Variants in AMPH observed in about 807,000 individuals in gnomAD.
The protein encoded by AMPH is amphiphysin, also known as amphiphysin (Stiff-Mann syndrome with breast cancer 128kD autoantigen).
A neutral mutation model predicts 99.1 loss-of-function variants in AMPH; 49 were observed. The ratio of observed to expected loss-of-function variants is 0.49; its 90% CI spans 0.39 to 0.63. AMPH has a LOEUF of 0.63. Among genes scored for constraint, AMPH ranks in the 20% least tolerant of loss-of-function variants. AMPH has a pLI of 0.00. For synonymous variants in AMPH, 314 were observed against 317.3 expected (o/e 0.99, Z 0.11); for missense variants, 759 against 863.4 (o/e 0.88, Z 1.52).
intron 2 of AMPH, among the ~76,000 whole-genome samples, chr7:38,504,140 G>A (rs1314020656): frequency 6.6e-6 from 1 of 152,134 alleles, no homozygotes; most frequent in Admixed American, 6.5e-5. Context: ...ATATTTTAGA[G>A]ACTGAGTACC....
chr7:38,559,005 G>A (rs1460350187), intron 1 of AMPH, among the ~76,000 whole-genome samples: 1 of 152,210 alleles, frequency 6.6e-6, no homozygotes, highest in African/African-American at 2.4e-5. Context: ...TTTATATATA[G>A]ATTCTGAATC....
intron 5 of AMPH, among the ~76,000 whole-genome samples, chr7:38,488,987 T>TC (rs567663555): frequency 0.022 from 3,319 of 151,836 alleles, 118 homozygotes; most frequent in African/African-American, 0.076. Flanking sequence ...CAGAAAGTTT[T>TC]TTTTAATTCT....
At chr7:38,390,099 T>C (rs1784447085) in intron 19 of AMPH, among the ~76,000 whole-genome samples, 194 bp from the exon 20 acceptor site, 1 of 152,238 alleles carries the variant, frequency 6.6e-6, no homozygotes, top group African/African-American at 2.4e-5. Flanking sequence ...TTATTAATAG[T>C]AATGCAATGC....
intron 16 of AMPH, among the ~76,000 whole-genome samples, chr7:38,418,932 A>G (rs1057047739): frequency 6.6e-6 from 1 of 152,110 alleles, no homozygotes; most frequent in East Asian, 1.9e-4. Flanking sequence ...CACCACAGCC[A>G]ATGCATGTTA....
At chr7:38,504,685 G>T (rs1396231436) in intron 2 of AMPH, among the ~76,000 whole-genome samples, 1 of 152,138 alleles carries the variant, frequency 6.6e-6, no homozygotes, top group Non-Finnish European at 1.5e-5. Context: ...GCTCCTAGGG[G>T]ACATTAATTC....
rs189968076 is a variant in AMPH at position 38,461,466 on chromosome 7, G to C, written c.889-55C>G. ...CAGCCAAAGACAATGTGTCAGACACGAAGAAAGGTCACATGAACAGAGCTA... is the reference window on the plus strand; with the variant it reads ...CAGCCAAAGACAATGTGTCAGACACCAAGAAAGGTCACATGAACAGAGCTA... On this transcript the variant is annotated intron_variant, in intron 10 of 20. Transcript: ENST00000356264. The C allele has an allele frequency of 2.6e-4, 422 of 1,608,226 alleles. 3 individuals are homozygous for C. Among genetic ancestry groups the C allele is most frequent in the Non-Finnish European group, 9.4e-6 (11 of 1,175,570 alleles).
chr7:38,574,887 C>G (rs923787702), intron 1 of AMPH, among the ~76,000 whole-genome samples: 1 of 151,828 alleles, frequency 6.6e-6, no homozygotes, highest in Admixed American at 6.6e-5. Flanking sequence ...AACCCCGTCT[C>G]TACTAAAAAT....
At chr7:38,431,989 C>A in intron 13 of AMPH, 200 bp downstream of exon 13, 1 of 677,822 alleles carries the variant, frequency 1.5e-6, no homozygotes. Flanking sequence ...GGAGTCTGGT[C>A]CACTGTACTC....
chr7:38,552,232 G>C (rs1791204626), intron 1 of AMPH, among the ~76,000 whole-genome samples: 1 of 152,028 alleles, frequency 6.6e-6, no homozygotes, highest in East Asian at 1.9e-4. Context: ...GGGAACTCTG[G>C]GCCACACCAT....
intron 2 of AMPH, among the ~76,000 whole-genome samples, chr7:38,512,743 AGTTCC>A (rs1312045473): frequency 6.6e-6 from 1 of 152,226 alleles, no homozygotes; most frequent in Non-Finnish European, 1.5e-5. Flanking sequence ...GTCAATTTTT[AGTTCC>A]GCTTAAATTA....
At chr7:38,571,962 ATGGC>A (rs1792060806) in intron 1 of AMPH, among the ~76,000 whole-genome samples, 1 of 151,088 alleles carries the variant, frequency 6.6e-6, no homozygotes, top group Non-Finnish European at 1.5e-5. Context: ...CTGGAGTGCA[ATGGC>A]ACAATCTCAG....
intron 1 of AMPH, among the ~76,000 whole-genome samples, chr7:38,541,283 G>T (rs1030852094): frequency 3.1e-5 from 3 of 97,046 alleles, no homozygotes; most frequent in African/African-American, 1.1e-4. Flanking sequence ...CATCAGGGGA[G>T]GTAAGTGCAG....
intron 1 of AMPH, among the ~76,000 whole-genome samples, chr7:38,593,629 G>A (rs1014483385): frequency 2.0e-5 from 3 of 152,302 alleles, no homozygotes; most frequent in Middle Eastern, 6.8e-3. Context: ...TGCCACATTC[G>A]GTCCTGCTTT....
chr7:38,494,897 A>C (rs1211673403), intron 3 of AMPH, among the ~76,000 whole-genome samples: 1 of 152,186 alleles, frequency 6.6e-6, no homozygotes, highest in African/African-American at 2.4e-5. Flanking sequence ...CTCAAACTAA[A>C]ATTAGTCCTA....
intron 1 of AMPH, among the ~76,000 whole-genome samples, chr7:38,603,314 CAAAA>C (rs59085219): frequency 4.2e-5 from 4 of 94,878 alleles, no homozygotes; most frequent in Non-Finnish European, 6.4e-5. Flanking sequence ...GACTCTGTCT[CAAAA>C]AAAAAAAAAA....
intron 2 of AMPH, among the ~76,000 whole-genome samples, chr7:38,533,393 T>C (rs930200452): frequency 2.0e-5 from 3 of 152,234 alleles, no homozygotes; most frequent in African/African-American, 7.2e-5. Flanking sequence ...ACGTTTGCTA[T>C]CCCATTCATG....
chr7:38,520,672 G>A (rs1434821879), intron 2 of AMPH, among the ~76,000 whole-genome samples: 1 of 152,214 alleles, frequency 6.6e-6, no homozygotes, highest in Non-Finnish European at 1.5e-5. Flanking sequence ...CCTGACTGAG[G>A]GGATGGGGAA....
At chr7:38,607,956 C>A (rs1222474032) in intron 1 of AMPH, among the ~76,000 whole-genome samples, 5 of 152,088 alleles carry the variant, frequency 3.3e-5, no homozygotes, top group Non-Finnish European at 7.4e-5. Flanking sequence ...TTTTTCTTTT[C>A]TTAATTTGTC....
intron 1 of AMPH, among the ~76,000 whole-genome samples, chr7:38,583,222 G>T (rs1450013835): frequency 6.6e-6 from 1 of 152,120 alleles, no homozygotes; most frequent in African/African-American, 2.4e-5. Flanking sequence ...GAAATCAACA[G>T]ACCTGGGCTT....
Sources: allele counts gnomAD v4.1 joint callset (sites outside exome capture counted in the v4.1 genomes callset), GRCh38; gene constraint gnomAD v4.1.1; transcripts MANE v1.5; gene names NCBI Gene and HGNC (gene_info 2026-07-23, HGNC 2026-07-21).